CASQ2: variants seen among roughly 807,000 people sequenced by gnomAD.
The protein encoded by CASQ2 is calsequestrin 2.
CASQ2 carries 49 observed loss-of-function variants against 46.5 expected under a neutral mutation model. That is an observed-to-expected ratio of 1.05 (90% CI 0.84 to 1.34). The LOEUF (loss-of-function observed/expected upper bound fraction) is 1.34. Ranked by LOEUF, CASQ2 falls within the 40% of genes most tolerant of loss-of-function variation. The pLI is 0.00. For missense variants in CASQ2, 486 were observed against 481.3 expected (o/e 1.01, Z -0.09); for synonymous variants, 174 against 168.5 (o/e 1.03, Z -0.25).
intron 8 of CASQ2, among the ~76,000 whole-genome samples, chr1:115,714,589 G>T (rs1654642098): frequency 6.6e-6 from 1 of 152,156 alleles, no homozygotes; most frequent in Non-Finnish European, 1.5e-5. Context: ...TGTCTAACTT[G>T]TTAGCAAGAG....
At chr1:115,712,172 G>A (rs1557787541) in intron 8 of CASQ2, among the ~76,000 whole-genome samples, 1 of 152,124 alleles carries the variant, frequency 6.6e-6, no homozygotes, top group Admixed American at 6.6e-5. Context: ...ACAAGGCTGG[G>A]AGCTCTCCTC....
intron 7 of CASQ2, among the ~76,000 whole-genome samples, chr1:115,720,733 G>A (rs775358185): frequency 2.8e-4 from 43 of 152,170 alleles, no homozygotes; most frequent in Non-Finnish European, 4.6e-4. Flanking sequence ...CCCCCCTGTC[G>A]CAGCAGTGAG....
chr1:115,703,798 A>G (rs1369728417), intron 9 of CASQ2, among the ~76,000 whole-genome samples: 2 of 151,946 alleles, frequency 1.3e-5, no homozygotes, highest in Non-Finnish European at 2.9e-5. Context: ...TATAGTCCCA[A>G]CTGCTCAGGA....
At chr1:115,705,074 T>G (rs1654317473) in intron 9 of CASQ2, 118 bp downstream of exon 9, 2 of 772,890 alleles carry the variant, frequency 2.6e-6, no homozygotes, top group Admixed American at 3.6e-5. Flanking sequence ...CCACACTGGG[T>G]GAGGACCGCC....
intron 9 of CASQ2, among the ~76,000 whole-genome samples, chr1:115,704,606 T>C (rs1654304098): frequency 6.6e-6 from 1 of 152,172 alleles, no homozygotes; most frequent in African/African-American, 2.4e-5. Context: ...CAAATGCTGT[T>C]TATTCTTTTT....
At chr1:115,767,500 C>T (rs556363258) in intron 1 of CASQ2, among the ~76,000 whole-genome samples, 67 of 152,224 alleles carry the variant, frequency 4.4e-4, no homozygotes, top group African/African-American at 1.5e-3. Context: ...CTGGGCTAGG[C>T]GTGGAGACTG....
At chr1:115,731,618 T>A (rs1395836189) in intron 5 of CASQ2, among the ~76,000 whole-genome samples, 1 of 152,240 alleles carries the variant, frequency 6.6e-6, no homozygotes, top group East Asian at 1.9e-4. Context: ...GCAGTTTGCA[T>A]ATATTGCTTC....
At chr1:115,725,385 T>A in intron 7 of CASQ2, 123 bp downstream of exon 7, 1 of 1,071,480 alleles carries the variant, frequency 9.3e-7, no homozygotes, top group Non-Finnish European at 1.4e-6. Flanking sequence ...TTTCAAATAC[T>A]CATCTAGACA....
intron 1 of CASQ2, among the ~76,000 whole-genome samples, chr1:115,756,539 T>C (rs1356832684): frequency 6.6e-6 from 1 of 152,200 alleles, no homozygotes; most frequent in Non-Finnish European, 1.5e-5. Flanking sequence ...ATCTTGTGAT[T>C]TGGAATCAGA....
At chr1:115,747,083 CTCT>C (rs1648415903) in intron 1 of CASQ2, among the ~76,000 whole-genome samples, 1 of 152,040 alleles carries the variant, frequency 6.6e-6, no homozygotes, top group Non-Finnish European at 1.5e-5. Flanking sequence ...ATCCTGAATT[CTCT>C]TATTTTTTCT....
At chr1:115,733,094 A>G (rs978652970) in intron 4 of CASQ2, 120 bp from the exon 5 acceptor site, 1 of 685,098 alleles carries the variant, frequency 1.5e-6, no homozygotes, top group Non-Finnish European at 2.6e-6. Flanking sequence ...ATAATTTAGT[A>G]GGTATTGTTT....
At chr1:115,754,010 A>G (rs17034477) in intron 1 of CASQ2, among the ~76,000 whole-genome samples, 20,189 of 152,190 alleles carry the variant, frequency 0.13, 1,502 homozygotes, top group South Asian at 0.25. Flanking sequence ...ATGTAAGCCA[A>G]GAGCCAAACG....
intron 1 of CASQ2, among the ~76,000 whole-genome samples, chr1:115,766,946 T>TA (rs369332735): frequency 0.033 from 5,025 of 151,710 alleles, 294 homozygotes; most frequent in African/African-American, 0.11. Flanking sequence ...ATTTCTTTTT[T>TA]AAAAAAAATT....
chr1:115,725,674 G>A lies in CASQ2; in HGVS notation c.738-121C>T, dbSNP rs76232874. On this transcript the variant is annotated intron_variant, in intron 6 of 10. Transcript: ENST00000261448. ...GAGATGATGCTTCCTTTGCAAGGCA[G>A]GGAGAGCCCTAAAAACCCACTTATC... is the stretch of plus-strand genomic sequence containing the variant. The A allele has an allele frequency of 2.8e-3, 3,577 of 1,291,844 alleles. 114 individuals are homozygous for A. The African/African-American group carries it at 0.047, about 17-fold the overall frequency. The allele number at this position is 1,291,844 out of a possible 1,614,324, so 80.0% of individuals were successfully genotyped here. A position where few individuals can be genotyped will look rare whatever the true frequency, so the allele number is the denominator to read the frequency against.
intron 8 of CASQ2, among the ~76,000 whole-genome samples, chr1:115,712,840 A>T (rs564144290): frequency 7.3e-6 from 1 of 137,020 alleles, no homozygotes; most frequent in East Asian, 2.2e-4. Flanking sequence ...TGAGCAATAG[A>T]GGGAGACTGC....
At chr1:115,704,195 C>A (rs2101054978) in intron 9 of CASQ2, among the ~76,000 whole-genome samples, 1 of 152,354 alleles carries the variant, frequency 6.6e-6, no homozygotes, top group South Asian at 2.1e-4. Flanking sequence ...TATTTAATCA[C>A]AGTATCATCA....
chr1:115,762,179 C>T (rs1192542025), intron 1 of CASQ2, among the ~76,000 whole-genome samples: 1 of 152,154 alleles, frequency 6.6e-6, no homozygotes, highest in Non-Finnish European at 1.5e-5. Flanking sequence ...CATTTTTGTG[C>T]CAAGACTCCA....
chr1:115,753,621 G>GC (rs1461237635), intron 1 of CASQ2, among the ~76,000 whole-genome samples: 1 of 152,160 alleles, frequency 6.6e-6, no homozygotes, highest in Non-Finnish European at 1.5e-5. Context: ...CGTGACTGCC[G>GC]CTGGGGCTCC....
intron 2 of CASQ2, among the ~76,000 whole-genome samples, chr1:115,744,141 CAAAAAAAAAAA>C (rs71683766): frequency 1.5e-5 from 2 of 129,222 alleles, no homozygotes; most frequent in Non-Finnish European, 3.2e-5. Flanking sequence ...GAACCTGTCT[CAAAAAAAAAAA>C]AAAAAGAAAA....
Sources: allele counts gnomAD v4.1 joint callset (sites outside exome capture counted in the v4.1 genomes callset), GRCh38; gene constraint gnomAD v4.1.1; transcripts MANE v1.5; gene names NCBI Gene and HGNC (gene_info 2026-07-23, HGNC 2026-07-21).